VPS26A: variants seen among roughly 807,000 people sequenced by gnomAD.
VPS26A encodes vacuolar protein sorting-associated protein 26A.
VPS26A carries 22 observed loss-of-function variants against 42.4 expected under a neutral mutation model. That is an observed-to-expected ratio of 0.52 (90% CI 0.37 to 0.74). The LOEUF is 0.74. Among genes scored for constraint, VPS26A ranks in the 30% least tolerant of loss-of-function variants. VPS26A has a pLI of 0.00. For synonymous variants in VPS26A, 110 were observed against 123.5 expected (o/e 0.89, Z 0.73); for missense variants, 276 against 379.2 (o/e 0.73, Z 2.26).
chr10:69,156,092 A>G (rs937874175), intron 3 of VPS26A, among the ~76,000 whole-genome samples: 1 of 152,142 alleles, frequency 6.6e-6, no homozygotes, highest in Non-Finnish European at 1.5e-5. Context: ...ATATCATTTC[A>G]TGATATATAT....
chr10:69,156,764 T>A (rs1191436758), intron 3 of VPS26A, among the ~76,000 whole-genome samples: 1 of 151,984 alleles, frequency 6.6e-6, no homozygotes, highest in Non-Finnish European at 1.5e-5. Flanking sequence ...GAGCCCCAAC[T>A]ACATCAAAGG....
intron 2 of VPS26A, among the ~76,000 whole-genome samples, chr10:69,140,895 T>C (rs1031123260): frequency 6.6e-6 from 1 of 152,206 alleles, no homozygotes; most frequent in Non-Finnish European, 1.5e-5. Context: ...AGACACTCCA[T>C]TGCATTCTTT....
chr10:69,162,625 A>C, intron 6 of VPS26A, 113 bp downstream of exon 6: 1 of 576,766 alleles, frequency 1.7e-6, no homozygotes. Context: ...TAATTTTGCT[A>C]GTTAATATTG....
intron 5 of VPS26A, among the ~76,000 whole-genome samples, chr10:69,158,429 C>T (rs529847176): frequency 2.0e-5 from 3 of 152,052 alleles, no homozygotes; most frequent in Non-Finnish European, 2.9e-5. Flanking sequence ...TGCTTGGCCA[C>T]TTTGTGTAGA....
chr10:69,134,185 T>C (rs561413196), intron 2 of VPS26A, among the ~76,000 whole-genome samples: 2 of 152,332 alleles, frequency 1.3e-5, no homozygotes, highest in South Asian at 2.1e-4. Flanking sequence ...ATATAATCTC[T>C]TCATATAGAA....
chr10:69,145,591 G>A (rs1408519116), intron 2 of VPS26A, among the ~76,000 whole-genome samples: 1 of 152,134 alleles, frequency 6.6e-6, no homozygotes, highest in African/African-American at 2.4e-5. Context: ...AACCCAGGAT[G>A]TATATTGAAG....
At position 69,127,083 on chromosome 10, in the gene VPS26A, C is replaced by T. The variant is rs1304406195; in HGVS notation, c.3+2803C>T. On this transcript the variant is annotated intron_variant, in intron 1 of 8. Transcript: ENST00000263559. ...CTGGGACTACAGGAATGCGCCACCA[C>T]ACCCGGCCAATTTTTTTTTTTTTTT... 6.1e-5 allele frequency among the ~76,000 whole-genome samples: 9 copies of T among 147,198 alleles called. 1 individual carries two copies. Among genetic ancestry groups the T allele is most frequent in the African/African-American group, 1.7e-4 (7 of 40,370 alleles).
At chr10:69,160,319 C>T (rs560458718) in intron 5 of VPS26A, among the ~76,000 whole-genome samples, 3 of 151,686 alleles carry the variant, frequency 2.0e-5, no homozygotes, top group Admixed American at 6.6e-5. Flanking sequence ...GCCACTATGC[C>T]TGGCTAATTT....
Position 69,124,245 on chromosome 10 carries a change from T to A in VPS26A, c.-33T>A. 7.8e-7 allele frequency: 1 copy of A among 1,281,928 alleles called. No homozygotes were observed. The highest frequency in any genetic ancestry group is 3.0e-5 in the East Asian group (1 of 33,642). 79.4% of individuals were successfully genotyped at this position (1,281,928 alleles called of 1,614,324 possible). A position where few individuals can be genotyped will look rare whatever the true frequency, so the allele number is the denominator to read the frequency against. On this transcript the variant is annotated 5_prime_UTR_variant, in exon 1 of 9. Coordinates refer to ENST00000263559, the MANE Select transcript of VPS26A (RefSeq NM_004896.5). ...GGGAGTTCTCCTGAGGGAAGAGGAG[T>A]GGAGTAGGGGGGACGCGGCGGCGGC... is the stretch of plus-strand genomic sequence containing the variant.
intron 7 of VPS26A, among the ~76,000 whole-genome samples, chr10:69,167,017 C>T (rs190556184): frequency 1.3e-4 from 20 of 151,330 alleles, no homozygotes; most frequent in African/African-American, 4.9e-4. Flanking sequence ...ATCCCAGCTA[C>T]TTGGGAAGCT....
Position 69,152,925 on chromosome 10 carries a change from G to A in VPS26A, c.154-2887G>A, listed in dbSNP as rs549344549. On this transcript the variant is annotated intron_variant, in intron 2 of 8. Coordinates refer to ENST00000263559, the MANE Select transcript of VPS26A (RefSeq NM_004896.5). ...GCAGAGCTTGCAGTGAGCCAAGATCGTGCCACTGCACTCCAGCCTGGGCGA... is the reference window on the plus strand; with the variant it reads ...GCAGAGCTTGCAGTGAGCCAAGATCATGCCACTGCACTCCAGCCTGGGCGA... Among the ~76,000 whole-genome samples the A allele has an allele frequency of 1.1e-4, 17 of 151,056 alleles. No homozygotes were observed. In the South Asian group the frequency reaches 2.7e-3, roughly 24 times the overall value.
chr10:69,160,815 T>C (rs1488213298), intron 5 of VPS26A, among the ~76,000 whole-genome samples: 2 of 152,206 alleles, frequency 1.3e-5, no homozygotes, highest in African/African-American at 4.8e-5. Flanking sequence ...TAAAAAGTCC[T>C]CTGGATATTA....
chr10:69,151,872 T>C lies in VPS26A; in HGVS notation c.154-3940T>C, dbSNP rs191019056. ...TGGTAGAGATTATAGTTCAAATTAC[T>C]GCATGGCTTTTGAAATAGCTGGGAT... On this transcript the variant is annotated intron_variant, in intron 2 of 8. Transcript: ENST00000263559. 2.6e-5 allele frequency among the ~76,000 whole-genome samples: 4 copies of C among 152,380 alleles called. No individual in the cohort carries two copies. The East Asian group carries it at 7.7e-4, about 29-fold the overall frequency.
chr10:69,157,054 A>G lies in VPS26A; in HGVS notation c.277A>G (p.Lys93Glu), dbSNP rs747087916. 89 of 1,612,786 alleles carry G rather than the reference A, an allele frequency of 5.5e-5. No homozygotes were observed. Among genetic ancestry groups the G allele is most frequent in the Non-Finnish European group, 7.5e-5 (88 of 1,179,444 alleles). The change falls in exon 4 of 9, where the codon AAA becomes GAA. Residue 93 changes from lysine to glutamate, a missense_variant. Transcript: ENST00000263559. ...SNTHEFVNLV[K>E]ELALPGELTQ... Reference sequence around the variant, plus strand: ...TACTCATGAATTTGTAAACCTAGTGAAAGAACTAGCCTTACCTGGAGAACT... The same window carrying G: ...TACTCATGAATTTGTAAACCTAGTGGAAGAACTAGCCTTACCTGGAGAACT...
At chr10:69,162,699 T>A (rs1841588340) in intron 6 of VPS26A, among the ~76,000 whole-genome samples, 187 bp downstream of exon 6, 1 of 152,196 alleles carries the variant, frequency 6.6e-6, no homozygotes, top group Admixed American at 6.5e-5. Flanking sequence ...TTATTTTTTA[T>A]AAAAAATTAA....
chr10:69,142,726 C>G (rs906101432), intron 2 of VPS26A, among the ~76,000 whole-genome samples: 13 of 143,590 alleles, frequency 9.1e-5, no homozygotes, highest in Non-Finnish European at 1.8e-4. Context: ...AGAAAGCTTT[C>G]CCCCCACTAT....
At chr10:69,163,866 C>T (rs903917543) in intron 6 of VPS26A, among the ~76,000 whole-genome samples, 9 of 150,028 alleles carry the variant, frequency 6.0e-5, no homozygotes, top group Non-Finnish European at 1.2e-4. Flanking sequence ...CCAGGGTTCA[C>T]GCCATTCTCC....
At chr10:69,166,586 T>C (rs1176099851) in intron 7 of VPS26A, among the ~76,000 whole-genome samples, 1 of 152,218 alleles carries the variant, frequency 6.6e-6, no homozygotes, top group African/African-American at 2.4e-5. Flanking sequence ...CTGGGTTTTC[T>C]TCACTATTTG....
At chr10:69,155,309 A>C (rs1317322681) in intron 2 of VPS26A, among the ~76,000 whole-genome samples, 1 of 152,222 alleles carries the variant, frequency 6.6e-6, no homozygotes, top group Non-Finnish European at 1.5e-5. Context: ...CTCAATTACA[A>C]TAAGTATGAA....
Sources: gnomAD v4.1 joint callset for allele counts (sites outside exome capture counted in the v4.1 genomes callset) on GRCh38, gnomAD v4.1.1 for gene constraint, MANE v1.5 for transcripts, NCBI Gene and HGNC (gene_info 2026-07-23, HGNC 2026-07-21) for gene names.